HS3ST4: variants seen among roughly 807,000 people sequenced by gnomAD.
HS3ST4 encodes the protein heparan sulfate glucosamine 3-O-sulfotransferase 4.
A neutral mutation model predicts 29.2 loss-of-function variants in HS3ST4; 17 were observed. That is an observed-to-expected ratio of 0.58 (90% CI 0.40 to 0.87). HS3ST4 has a LOEUF of 0.87. Ranked by LOEUF, HS3ST4 falls within the 40% of genes least tolerant of loss-of-function variation. The pLI, the probability that HS3ST4 is intolerant of heterozygous loss-of-function variation, is 0.00. For missense variants in HS3ST4, 627 were observed against 634.5 expected, an observed-to-expected ratio of 0.99 and a Z score of 0.13; for synonymous variants, 314 against 285.7, an observed-to-expected ratio of 1.10 and a Z score of -1.00.
At chr16:26,061,326 A>G (rs1186629621) in intron 1 of HS3ST4, among the ~76,000 whole-genome samples, 3 of 152,184 alleles carry the variant, frequency 2.0e-5, no homozygotes, top group African/African-American at 7.2e-5. Context: ...TGCTCATTAT[A>G]CAGCATGTAC....
chr16:25,972,538 C>A (rs2141707211), intron 1 of HS3ST4, among the ~76,000 whole-genome samples: 1 of 152,286 alleles, frequency 6.6e-6, no homozygotes, highest in Non-Finnish European at 1.5e-5. Flanking sequence ...GGAGACTTTA[C>A]CTGGTGTCTT....
At position 25,850,347 on chromosome 16, in the gene HS3ST4, G is replaced by GA. The variant is rs1249848722; in HGVS notation, c.734+157202dup. ...TGTTTGAAAATTCTGTATGGGCTGG[G>GA]AAAAAACCCCACATCCATCTCGACT... On this transcript the variant is annotated intron_variant, in intron 1 of 1. Coordinates refer to ENST00000331351, the MANE Select transcript of HS3ST4 (RefSeq NM_006040.3). Among the ~76,000 whole-genome samples, 6 of 152,154 alleles carry GA rather than the reference G, an allele frequency of 3.9e-5. No individual in the cohort carries two copies. In the South Asian group the frequency reaches 1.2e-3, roughly 32 times the overall value.
At chr16:25,781,725 A>G (rs1052600983) in intron 1 of HS3ST4, among the ~76,000 whole-genome samples, 7 of 152,210 alleles carry the variant, frequency 4.6e-5, no homozygotes, top group Non-Finnish European at 8.8e-5. Flanking sequence ...GGTTTGGACC[A>G]TCCACACTCT....
At chr16:25,820,010 C>CAAAAAAAAAAAAAAAAAAAAAAAAAAAAA (rs142336784) in intron 1 of HS3ST4, among the ~76,000 whole-genome samples, 3 of 46,936 alleles carry the variant, frequency 6.4e-5, no homozygotes, top group Non-Finnish European at 6.7e-5. Flanking sequence ...TACTCTGTCT[C>CAAAAAAAAAAAAAAAAAAAAAAAAAAAAA]AAAAAAAAAA....
In HS3ST4 at chr16:26,063,318, C is replaced by A. The variant is rs576602376; in HGVS notation, c.735-72294C>A. Among the ~76,000 whole-genome samples, 9 of 152,188 alleles carry A rather than the reference C, an allele frequency of 5.9e-5. No individual in the cohort carries two copies. In the South Asian group the frequency reaches 1.9e-3, roughly 32 times the overall value. ...CCCCTTCCATTGGTTGAATTATAGC[C>A]TCTGTCTGTACCCTGCTGTCCTATC... On this transcript the variant is annotated intron_variant, in intron 1 of 1. Coordinates refer to ENST00000331351, the MANE Select transcript of HS3ST4 (RefSeq NM_006040.3).
intron 1 of HS3ST4, among the ~76,000 whole-genome samples, chr16:25,991,643 C>T (rs537276711): frequency 1.3e-5 from 2 of 152,178 alleles, no homozygotes; most frequent in Non-Finnish European, 2.9e-5. Flanking sequence ...TAGGAATGTG[C>T]TGGGCTATCT....
At position 25,936,146 on chromosome 16, in the gene HS3ST4, G is replaced by A. The variant is rs868790397; in HGVS notation, c.735-199466G>A. Among the ~76,000 whole-genome samples, 8 of 152,260 alleles carry A rather than the reference G, an allele frequency of 5.3e-5. No individual in the cohort carries two copies. In the Middle Eastern group the frequency reaches 0.017, roughly 324 times the overall value. On this transcript the variant is annotated intron_variant, in intron 1 of 1. Transcript: ENST00000331351. ...CATGATGGTCCTGTTGACAAGAAAG[G>A]GATGTATTTAGGTGATAATGATACC...
At chr16:25,864,212 C>T (rs527649959) in intron 1 of HS3ST4, among the ~76,000 whole-genome samples, 2 of 152,304 alleles carry the variant, frequency 1.3e-5, no homozygotes, top group South Asian at 2.1e-4. Context: ...CATGTATTTA[C>T]GGTGTGCAAC....
At chr16:25,928,280 G>T (rs367681986) in intron 1 of HS3ST4, among the ~76,000 whole-genome samples, 2 of 151,600 alleles carry the variant, frequency 1.3e-5, no homozygotes, top group Admixed American at 6.6e-5. Flanking sequence ...TAGGAGGATC[G>T]CTTGAGCCCA....
chr16:26,025,589 T>A (rs1197522894), intron 1 of HS3ST4, among the ~76,000 whole-genome samples: 1 of 152,186 alleles, frequency 6.6e-6, no homozygotes, highest in African/African-American at 2.4e-5. Flanking sequence ...CCACTGGTTC[T>A]TTATTAGAGG....
At chr16:25,765,550 G>A (rs978293126) in intron 1 of HS3ST4, among the ~76,000 whole-genome samples, 2 of 152,186 alleles carry the variant, frequency 1.3e-5, no homozygotes, top group African/African-American at 4.8e-5. Flanking sequence ...GCATCCTTCT[G>A]TGAGTAGGAC....
chr16:25,770,009 C>A (rs1320192957), intron 1 of HS3ST4, among the ~76,000 whole-genome samples: 1 of 152,094 alleles, frequency 6.6e-6, no homozygotes, highest in Non-Finnish European at 1.5e-5. Flanking sequence ...TTTTTTACCC[C>A]ACTTCTAAGT....
At chr16:26,041,915 G>C (rs530221335) in intron 1 of HS3ST4, among the ~76,000 whole-genome samples, 2 of 152,136 alleles carry the variant, frequency 1.3e-5, no homozygotes, top group African/African-American at 4.8e-5. Flanking sequence ...GCCCGATCTC[G>C]GGAGAGTCTG....
intron 1 of HS3ST4, among the ~76,000 whole-genome samples, chr16:25,701,721 G>A (rs1464400291): frequency 6.6e-6 from 1 of 152,172 alleles, no homozygotes; most frequent in African/African-American, 2.4e-5. Context: ...TGTGCTATGT[G>A]CTTGGCTGAA....
chr16:26,068,807 T>C (rs62034542), intron 1 of HS3ST4, among the ~76,000 whole-genome samples: 1,919 of 152,266 alleles, frequency 0.013, 15 homozygotes, highest in Middle Eastern at 0.024. Flanking sequence ...AAATGCCTTT[T>C]AATATGTAGG....
rs150001987 is a variant in HS3ST4, at chr16:26,117,646, T to C, written c.735-17966T>C. ...TCAGCCTCAGCCTTTACTGCCTTCT[T>C]AATATCTGGTAGCAATGAGATGGAG... On this transcript the variant is annotated intron_variant, in intron 1 of 1. Coordinates refer to ENST00000331351, the MANE Select transcript of HS3ST4 (RefSeq NM_006040.3). 2.6e-3 allele frequency among the ~76,000 whole-genome samples: 393 copies of C among 152,316 alleles called. 7 individuals carry two copies. The highest frequency in any genetic ancestry group is 0.014 in the Admixed American group (217 of 15,310).
At chr16:26,127,951 T>C (rs1206744756) in intron 1 of HS3ST4, among the ~76,000 whole-genome samples, 1 of 152,192 alleles carries the variant, frequency 6.6e-6, no homozygotes, top group Non-Finnish European at 1.5e-5. Context: ...TTTTTCTCAG[T>C]ATTTCAATTA....
intron 1 of HS3ST4, among the ~76,000 whole-genome samples, chr16:26,055,840 C>T (rs1460802908): frequency 6.6e-6 from 1 of 152,050 alleles, no homozygotes; most frequent in Non-Finnish European, 1.5e-5. Flanking sequence ...GCATGCTAAC[C>T]GTCTGATGGA....
chr16:25,779,869 G>A (rs563403856), intron 1 of HS3ST4, among the ~76,000 whole-genome samples: 6 of 152,278 alleles, frequency 3.9e-5, no homozygotes, highest in African/African-American at 1.2e-4. Context: ...GATGTACGGC[G>A]CCTCTGTGCC....
Sources: gnomAD v4.1 joint callset for allele counts (sites outside exome capture counted in the v4.1 genomes callset) on GRCh38, gnomAD v4.1.1 for gene constraint, MANE v1.5 for transcripts, NCBI Gene and HGNC (gene_info 2026-07-23, HGNC 2026-07-21) for gene names.